DEGS2: variants seen among roughly 807,000 people sequenced by gnomAD.
DEGS2 encodes the protein delta 4-desaturase, sphingolipid 2.
Under a neutral mutation model 23.8 loss-of-function variants are expected in DEGS2, and 19 were observed. That is an observed-to-expected ratio of 0.80 (90% confidence interval 0.56 to 1.17). DEGS2 has a LOEUF of 1.17. DEGS2 is among the 50% of genes most tolerant of loss of function. The probability of loss-of-function intolerance (pLI) is 0.00; values close to 1 mark genes in which losing one functional copy is unlikely to be tolerated. For synonymous variants in DEGS2, 218 were observed against 213.7 expected (o/e 1.02, Z -0.18); for missense variants, 390 against 459.5 (o/e 0.85, Z 1.38).
upstream of DEGS2, among the ~76,000 whole-genome samples, chr14:100,163,114 G>A (rs937080201): frequency 6.6e-6 from 1 of 152,194 alleles, no homozygotes; most frequent in Non-Finnish European, 1.5e-5. Flanking sequence ...CCAAGACTGA[G>A]CTAGAGATAG....
chr14:100,162,882 C>T (rs1373759278), upstream of DEGS2, among the ~76,000 whole-genome samples: 1 of 152,236 alleles, frequency 6.6e-6, no homozygotes, highest in African/African-American at 2.4e-5. Flanking sequence ...GCAAAAAGGC[C>T]TCCACTGCCT....
Position 100,159,626 on chromosome 14 carries a change from G to C in DEGS2, c.-39C>G, listed in dbSNP as rs1595281030. The C allele has an allele frequency of 1.4e-6, 2 of 1,434,940 alleles. No individual in the cohort carries two copies. Among genetic ancestry groups the C allele is most frequent in the Non-Finnish European group, 1.8e-6 (2 of 1,083,538 alleles). The allele number at this position is 1,434,940 out of a possible 1,614,324, so 88.9% of individuals were successfully genotyped here. Reference sequence around the variant, plus strand: ...GCGCCGTTCGGAGCGCGGCCGGCTCGGCTCTGCTGCACCTGTCGCGGCGGC... The same window carrying C: ...GCGCCGTTCGGAGCGCGGCCGGCTCCGCTCTGCTGCACCTGTCGCGGCGGC... On this transcript the variant is annotated 5_prime_UTR_variant, in exon 1 of 3. Transcript: ENST00000305631.
intron 1 of DEGS2, among the ~76,000 whole-genome samples, chr14:100,153,379 C>A (rs980724803): frequency 7.6e-6 from 1 of 132,308 alleles, no homozygotes; most frequent in Admixed American, 7.3e-5. Flanking sequence ...GGGCCTCTTC[C>A]AGGGCCTCAA....
At chr14:100,165,623 G>C in the DEGS2 span, among the ~76,000 whole-genome samples, 2 of 152,306 alleles carry the variant, frequency 1.3e-5, no homozygotes, top group African/African-American at 4.8e-5. Context: ...GCCTGGTGCT[G>C]CTGCTGTGGA....
At chr14:100,151,877 C>G (rs1889577791) in intron 1 of DEGS2, among the ~76,000 whole-genome samples, 1 of 152,238 alleles carries the variant, frequency 6.6e-6, no homozygotes, top group South Asian at 2.1e-4. Flanking sequence ...TTGCAAAGAT[C>G]TACCATCTTC....
Position 100,149,100 on chromosome 14 carries a change from G to A in DEGS2, c.693C>T (p.Ala231=), listed in dbSNP as rs562984462. The A allele has an allele frequency of 5.3e-5, 86 of 1,612,984 alleles. No individual in the cohort carries two copies. Among genetic ancestry groups the A allele is most frequent in the South Asian group, 1.6e-4 (15 of 91,090 alleles). The change falls in exon 2 of 3, where the codon GCC becomes GCT. Residue 231 remains alanine, a synonymous_variant. Transcript: ENST00000305631. ...GLHPISGHFV[A]EHYMFLKGHE... is the part of the protein sequence containing the mutation. The stretch of plus-strand genomic sequence containing the variant: ...GGCCCTTGAGGAACATGTAGTGCTC[G>A]GCCACGAAGTGGCCCGAGATGGGGT...
At chr14:100,147,482 G>C (rs1889470649) in intron 2 of DEGS2, among the ~76,000 whole-genome samples, 1 of 152,114 alleles carries the variant, frequency 6.6e-6, no homozygotes, top group Admixed American at 6.6e-5. Context: ...CATGTTCCAA[G>C]GGCCTCTTGA....
chr14:100,158,229 C>T (rs1193336380), intron 1 of DEGS2, among the ~76,000 whole-genome samples: 1 of 152,048 alleles, frequency 6.6e-6, no homozygotes, highest in Non-Finnish European at 1.5e-5. Flanking sequence ...GGCAACATGG[C>T]AAGACCCTGT....
At chr14:100,166,341 GCCC>G in the DEGS2 span, among the ~76,000 whole-genome samples, 1 of 41,104 alleles carries the variant, frequency 2.4e-5, no homozygotes, top group African/African-American at 1.5e-4. Context: ...GGGGGAGCCT[GCCC>G]GGGGCTGTGG....
At chr14:100,153,793 C>T (rs570927413) in intron 1 of DEGS2, among the ~76,000 whole-genome samples, 29 of 151,958 alleles carry the variant, frequency 1.9e-4, no homozygotes, top group Non-Finnish European at 3.7e-4. Flanking sequence ...TTTCCAGCAG[C>T]GGCCCCAGGT....
chr14:100,149,852 C>A (rs1040429614), intron 1 of DEGS2, 142 bp from the exon 2 acceptor site: 1 of 890,564 alleles, frequency 1.1e-6, no homozygotes, highest in African/African-American at 1.7e-5. Context: ...TGCACACAGG[C>A]CCTGTCCCTC....
intron 1 of DEGS2, among the ~76,000 whole-genome samples, chr14:100,158,273 T>C (rs1462504876): frequency 2.6e-5 from 4 of 151,972 alleles, no homozygotes; most frequent in Non-Finnish European, 5.9e-5. Flanking sequence ...TAGCCGGGCA[T>C]AGTGGTACAC....
At chr14:100,161,368 G>C (rs73349591), upstream of DEGS2, among the ~76,000 whole-genome samples, 2,338 of 152,262 alleles carry the variant, frequency 0.015, 65 homozygotes, top group African/African-American at 0.053. Context: ...AGACCTGGGA[G>C]TGGAACAGAC....
chr14:100,147,863 G>A (rs1012261863), intron 2 of DEGS2, among the ~76,000 whole-genome samples: 1 of 151,902 alleles, frequency 6.6e-6, no homozygotes, highest in Non-Finnish European at 1.5e-5. Flanking sequence ...ATCTCCTGAG[G>A]CGGGCACCTC....
At chr14:100,159,445 C>T (rs1889712999) in intron 1 of DEGS2, 61 bp downstream of exon 1, 2 of 1,327,256 alleles carry the variant, frequency 1.5e-6, no homozygotes, top group African/African-American at 1.5e-5. Context: ...GACCCCACGA[C>T]GCGACTCCAG....
chr14:100,165,481 T>C, the DEGS2 span, among the ~76,000 whole-genome samples: 1 of 152,228 alleles, frequency 6.6e-6, no homozygotes, highest in African/African-American at 2.4e-5. Flanking sequence ...CCCTGATTTG[T>C]GGGCCTCACT....
chr14:100,160,302 G>A (rs1889731363), upstream of DEGS2: 2 of 152,298 alleles, frequency 1.3e-5, no homozygotes. Flanking sequence ...ATGATTCAGG[G>A]TGATACGTGC....
upstream of DEGS2, among the ~76,000 whole-genome samples, chr14:100,163,392 A>G (rs942128251): frequency 6.6e-6 from 1 of 152,192 alleles, no homozygotes; most frequent in Non-Finnish European, 1.5e-5. Flanking sequence ...CGGTGAGCTG[A>G]GATTTCGCTA....
intron 1 of DEGS2, chr14:100,155,763 G>A (rs1889647106): frequency 6.6e-6 from 1 of 152,018 alleles, no homozygotes; most frequent in Admixed American, 6.6e-5. Context: ...TTCGCTTCCG[G>A]GATTTCCTCT....
Sources: gnomAD v4.1 joint callset for allele counts (sites outside exome capture counted in the v4.1 genomes callset) on GRCh38, gnomAD v4.1.1 for gene constraint, MANE v1.5 for transcripts, NCBI Gene and HGNC (gene_info 2026-07-23, HGNC 2026-07-21) for gene names.